The following WAC variants were observed in gnomAD, a reference collection of about 807,000 sequenced individuals.
The protein encoded by WAC is WW domain-containing adapter protein with coiled-coil.
Under a neutral mutation model 79.6 loss-of-function variants are expected in WAC, and 11 were observed. The observed-to-expected ratio is 0.14, with a 90% CI of 0.09 to 0.23. WAC has a LOEUF of 0.23. Ranked by LOEUF, WAC falls within the 10% of genes least tolerant of loss-of-function variation. The pLI is 1.00. For missense variants in WAC, 728 were observed against 773.5 expected (o/e 0.94, Z 0.70); for synonymous variants, 304 against 276.9 (o/e 1.10, Z -0.97).
chr10:28,594,129 C>A (rs888748902), intron 6 of WAC, among the ~76,000 whole-genome samples: 6 of 152,170 alleles, frequency 3.9e-5, no homozygotes, highest in Non-Finnish European at 8.8e-5. Context: ...AAAGCTGTTA[C>A]AGCTATAGCG....
At chr10:28,544,211 G>A (rs1054399429) in intron 3 of WAC, among the ~76,000 whole-genome samples, 6 of 152,072 alleles carry the variant, frequency 3.9e-5, no homozygotes, top group African/African-American at 7.2e-5. Context: ...AAATTGTTTC[G>A]CATTGTGTTC....
At chr10:28,590,907 C>T (rs1840048602) in intron 6 of WAC, 75 bp downstream of exon 6, 2 of 1,080,048 alleles carry the variant, frequency 1.9e-6, no homozygotes, top group East Asian at 2.6e-5. Flanking sequence ...GTATCCATTG[C>T]CATCTACATA....
At position 28,533,653 on chromosome 10, in the gene WAC, GGC is replaced by G. The variant is rs901758221; in HGVS notation, c.41+35_41+36del. ...GTCTTTTCGTTTCGGGCCGGGCGGCGGCGGGGGGCGGCGGCGGGGGGGCTGTT... is the reference window on the plus strand; with the variant it reads ...GTCTTTTCGTTTCGGGCCGGGCGGCGGGGGGGCGGCGGCGGGGGGGCTGTT... On this transcript the variant is annotated intron_variant, in intron 1 of 13. Transcript: ENST00000354911. The G allele has an allele frequency of 5.7e-6, 9 of 1,567,554 alleles. No homozygotes were observed. The African/African-American group carries it at 1.2e-4, about 22-fold the overall frequency.
intron 3 of WAC, among the ~76,000 whole-genome samples, chr10:28,559,144 G>GTGTGTGTGTGTGTT: frequency 1.1e-5 from 1 of 92,400 alleles, no homozygotes; most frequent in East Asian, 3.5e-4. Flanking sequence ...TGATGTGTGT[G>GTGTGTGTGTGTGTT]TGTGTGTGTG....
chr10:28,584,197 G>A (rs1839687072), intron 4 of WAC, among the ~76,000 whole-genome samples: 1 of 152,156 alleles, frequency 6.6e-6, no homozygotes. Flanking sequence ...TTTGGAGGGT[G>A]CTCAACACAG....
At chr10:28,539,076 C>T (rs1056200697) in intron 3 of WAC, among the ~76,000 whole-genome samples, 1 of 151,968 alleles carries the variant, frequency 6.6e-6, no homozygotes, top group African/African-American at 2.4e-5. Context: ...CTAATAATAA[C>T]CTATATGCTA....
chr10:28,616,024 A>T, intron 11 of WAC, 149 bp from the exon 12 acceptor site: 4 of 607,092 alleles, frequency 6.6e-6, no homozygotes, highest in South Asian at 3.1e-5. Flanking sequence ...TTGGATTATT[A>T]ATTCTCTTTA....
intron 3 of WAC, among the ~76,000 whole-genome samples, chr10:28,573,860 C>A (rs766302340): frequency 4.1e-4 from 63 of 151,866 alleles, no homozygotes; most frequent in Non-Finnish European, 7.5e-4. Context: ...TGTCATCCCC[C>A]AACACCCCCC....
intron 7 of WAC, among the ~76,000 whole-genome samples, chr10:28,598,263 C>T (rs2807754): frequency 0.36 from 54,365 of 151,986 alleles, 10,582 homozygotes; most frequent in East Asian, 0.54. Context: ...GTCTGTTTTA[C>T]TAGCTTGGTC....
chr10:28,591,296 T>C (rs1438645805), intron 6 of WAC: 6 of 158,806 alleles, frequency 3.8e-5, no homozygotes, highest in Non-Finnish European at 6.8e-5. Flanking sequence ...TCCTTGTATG[T>C]AGAAACTAAT....
intron 3 of WAC, among the ~76,000 whole-genome samples, chr10:28,557,342 T>C (rs574555540): frequency 6.6e-6 from 1 of 152,296 alleles, no homozygotes; most frequent in East Asian, 1.9e-4. Context: ...TACAGTGTCA[T>C]TAGCTATATA....
intron 13 of WAC, 36 bp from the exon 14 acceptor site, chr10:28,619,501 T>C: frequency 1.4e-6 from 2 of 1,463,470 alleles, no homozygotes; most frequent in East Asian, 4.9e-5. Context: ...TATTTGTATA[T>C]GTACACAGGT....
chr10:28,619,445 TTTTAA>T (rs1841614457), intron 13 of WAC, 87 bp from the exon 14 acceptor site: 2 of 967,396 alleles, frequency 2.1e-6, no homozygotes, highest in South Asian at 1.9e-5. Flanking sequence ...AAATCACTTG[TTTTAA>T]TTTAAAAAAT....
chr10:28,555,903 A>G lies in WAC; in HGVS notation c.274+20146A>G, dbSNP rs143833802. On this transcript the variant is annotated intron_variant, in intron 3 of 13. Transcript: ENST00000354911. ...AGAACCACGAACTAAATGAGCTTCTATTCTTTATAAATTACACAGTCTGGT... is the reference window on the plus strand; with the variant it reads ...AGAACCACGAACTAAATGAGCTTCTGTTCTTTATAAATTACACAGTCTGGT... 2.1e-3 allele frequency among the ~76,000 whole-genome samples: 317 copies of G among 152,254 alleles called. 12 individuals are homozygous for G. Among genetic ancestry groups the G allele is most frequent in the Admixed American group, 0.018 (281 of 15,290 alleles).
chr10:28,613,612 T>A (rs1200724457), intron 10 of WAC, among the ~76,000 whole-genome samples: 1 of 152,216 alleles, frequency 6.6e-6, no homozygotes, highest in African/African-American at 2.4e-5. Context: ...ATGTAGTGCT[T>A]ATAAAATGTT....
At chr10:28,563,765 T>TA (rs1838433642) in intron 3 of WAC, among the ~76,000 whole-genome samples, 1 of 133,764 alleles carries the variant, frequency 7.5e-6, no homozygotes, top group Non-Finnish European at 1.6e-5. Context: ...TTTTTTTTTT[T>TA]TTTTTTTTGT....
intron 3 of WAC, among the ~76,000 whole-genome samples, chr10:28,570,394 A>G (rs1015174021): frequency 2.6e-5 from 4 of 152,180 alleles, no homozygotes; most frequent in Admixed American, 2.6e-4. Flanking sequence ...TGACACTAAG[A>G]TTTGTTATCT....
In WAC at chr10:28,610,604, C is replaced by T. The variant is rs889494286; in HGVS notation, c.1166-95C>T. 2.9e-5 allele frequency: 37 copies of T among 1,284,108 alleles called. No individual in the cohort carries two copies. In the Admixed American group the frequency reaches 7.4e-4, roughly 26 times the overall value. The allele number at this position is 1,284,108 out of a possible 1,614,324, so 79.5% of individuals were successfully genotyped here. ...TTTGAGAGTTCTAGGTTGAAATATT[C>T]CAGTTTCTTGTGAGTTCTCTTCCTT... is the stretch of plus-strand genomic sequence containing the variant. On this transcript the variant is annotated intron_variant, in intron 8 of 13. Transcript: ENST00000354911.
At position 28,619,818 on chromosome 10, in the gene WAC, C is replaced by A. The variant is rs1362938851; in HGVS notation, c.*212C>A. 1 of 429,234 alleles carries A rather than the reference C, an allele frequency of 2.3e-6. No homozygotes were observed. The highest frequency in any genetic ancestry group is 4.1e-6 in the Non-Finnish European group (1 of 244,136). The allele number at this position is 429,234 out of a possible 1,614,324, so 26.6% of individuals were successfully genotyped here. The stretch of plus-strand genomic sequence containing the variant: ...AATGTAGATTTCTTGTAGATGTATC[C>A]TTCACGTTGTAAATATGTTTTGTAG... On this transcript the variant is annotated 3_prime_UTR_variant, in exon 14 of 14. Transcript: ENST00000354911.
Sources: allele counts gnomAD v4.1 joint callset (sites outside exome capture counted in the v4.1 genomes callset), GRCh38; gene constraint gnomAD v4.1.1; transcripts MANE v1.5; gene names NCBI Gene and HGNC (gene_info 2026-07-23, HGNC 2026-07-21).